The following PIK3R3 variants were observed in gnomAD, a reference collection of about 807,000 sequenced individuals.
PIK3R3 encodes the protein phosphatidylinositol 3-kinase regulatory subunit gamma.
PIK3R3 carries 64 observed loss-of-function variants against 62.9 expected under a neutral mutation model. The observed-to-expected ratio is 1.02, with a 90% CI of 0.83 to 1.25. PIK3R3 has a LOEUF of 1.25. Among genes scored for constraint, PIK3R3 ranks in the 50% most tolerant of loss-of-function variants. The pLI is 0.00. For synonymous variants in PIK3R3, 165 were observed against 189.0 expected, an observed-to-expected ratio of 0.87 and a Z score of 1.04; for missense variants, 614 against 561.6, an observed-to-expected ratio of 1.09 and a Z score of -0.94.
intron 1 of PIK3R3, among the ~76,000 whole-genome samples, chr1:46,089,291 T>G (rs980213511): frequency 1.3e-5 from 2 of 152,092 alleles, no homozygotes; most frequent in Admixed American, 6.5e-5. Flanking sequence ...GAAGGGCAGT[T>G]TAGAGGGTAT....
chr1:46,140,824 TTTTGTTC>T, the PIK3R3 span, among the ~76,000 whole-genome samples: 1 of 152,148 alleles, frequency 6.6e-6, no homozygotes, highest in African/African-American at 2.4e-5. Context: ...TTGTGGTTTT[TTTTGTTC>T]TTTGTTTTTT....
At chr1:46,148,333 T>C in the PIK3R3 span, among the ~76,000 whole-genome samples, 1 of 152,186 alleles carries the variant, frequency 6.6e-6, no homozygotes, top group Non-Finnish European at 1.5e-5. Flanking sequence ...GCTCAAACAA[T>C]GTTAGCAAGA....
the PIK3R3 span, among the ~76,000 whole-genome samples, chr1:46,172,691 A>G: frequency 6.6e-6 from 1 of 152,076 alleles, no homozygotes; most frequent in Non-Finnish European, 1.5e-5. Context: ...CCCTGTCCCT[A>G]AAAACTAGGC....
At chr1:46,143,041 A>G in the PIK3R3 span, among the ~76,000 whole-genome samples, 1 of 152,256 alleles carries the variant, frequency 6.6e-6, no homozygotes, top group Non-Finnish European at 1.5e-5. Flanking sequence ...GAGGTAGACA[A>G]GGCCACACTA....
At chr1:46,110,584 T>C (rs982660654) in intron 1 of PIK3R3, among the ~76,000 whole-genome samples, 20 of 152,268 alleles carry the variant, frequency 1.3e-4, no homozygotes, top group Admixed American at 9.2e-4. Flanking sequence ...TTAGTGATTA[T>C]AGTTTAGTTG....
the PIK3R3 span, among the ~76,000 whole-genome samples, chr1:46,159,672 C>A: frequency 2.6e-5 from 4 of 151,904 alleles, no homozygotes; most frequent in Non-Finnish European, 5.9e-5. Context: ...GCTTGTAGAT[C>A]ACCACACATG....
chr1:46,133,594 A>G (rs1655807372), upstream of PIK3R3, among the ~76,000 whole-genome samples: 1 of 152,176 alleles, frequency 6.6e-6, no homozygotes, highest in Non-Finnish European at 1.5e-5. Context: ...CTTACCACTC[A>G]GGGAGAGGAT....
the PIK3R3 span, among the ~76,000 whole-genome samples, chr1:46,164,477 A>T: frequency 6.6e-6 from 1 of 151,938 alleles, no homozygotes; most frequent in South Asian, 2.1e-4. Flanking sequence ...CAGGGAGCTT[A>T]TCTCCTGCTT....
At chr1:46,157,342 A>G in the PIK3R3 span, among the ~76,000 whole-genome samples, 1 of 152,128 alleles carries the variant, frequency 6.6e-6, no homozygotes, top group Non-Finnish European at 1.5e-5. Context: ...CATGTTGCCC[A>G]GGGTGGTCTC....
the PIK3R3 span, among the ~76,000 whole-genome samples, chr1:46,140,254 A>G: frequency 2.0e-5 from 3 of 152,074 alleles, no homozygotes; most frequent in Non-Finnish European, 2.9e-5. Flanking sequence ...GCAGCCTCCC[A>G]TGTGCTAGGA....
At chr1:46,123,309 A>G (rs1011830864) in intron 1 of PIK3R3, among the ~76,000 whole-genome samples, 6 of 152,206 alleles carry the variant, frequency 3.9e-5, no homozygotes, top group African/African-American at 1.4e-4. Context: ...GATGGAGGTG[A>G]GACGGGCATA....
the PIK3R3 span, among the ~76,000 whole-genome samples, chr1:46,160,087 G>T: frequency 6.6e-6 from 1 of 152,196 alleles, no homozygotes; most frequent in Non-Finnish European, 1.5e-5. Flanking sequence ...CAAAATAGTT[G>T]GTTCATCAGA....
At chr1:46,142,839 T>C in the PIK3R3 span, among the ~76,000 whole-genome samples, 3 of 152,226 alleles carry the variant, frequency 2.0e-5, 1 homozygote, top group Admixed American at 2.0e-4. Context: ...GTGTACTTTA[T>C]GCTCAAGCAA....
chr1:46,123,394 C>T (rs1003016650), intron 1 of PIK3R3, among the ~76,000 whole-genome samples: 5 of 151,846 alleles, frequency 3.3e-5, no homozygotes, highest in Non-Finnish European at 5.9e-5. Flanking sequence ...AGAAGGAATT[C>T]GACTAGAAGT....
At chr1:46,082,462 C>T (rs911229756) in intron 1 of PIK3R3, among the ~76,000 whole-genome samples, 10 of 152,062 alleles carry the variant, frequency 6.6e-5, no homozygotes, top group Admixed American at 4.6e-4. Flanking sequence ...GACAACACTG[C>T]GACAATGGGC....
chr1:46,114,140 T>C (rs1653972820), intron 1 of PIK3R3, among the ~76,000 whole-genome samples: 1 of 152,178 alleles, frequency 6.6e-6, no homozygotes, highest in South Asian at 2.1e-4. Flanking sequence ...TATTCACTCC[T>C]GGGCTGATCA....
chr1:46,053,665 C>T (rs186890203), intron 7 of PIK3R3, among the ~76,000 whole-genome samples: 13 of 152,236 alleles, frequency 8.5e-5, no homozygotes, highest in East Asian at 1.9e-4. Context: ...GCCTTGAGTT[C>T]GGACTTCCTA....
At chr1:46,165,996 G>A in the PIK3R3 span, among the ~76,000 whole-genome samples, 1 of 149,664 alleles carries the variant, frequency 6.7e-6, no homozygotes, top group Non-Finnish European at 1.5e-5. Context: ...GGATGGTCTC[G>A]ATCTCCTGAC....
intron 9 of PIK3R3, 97 bp downstream of exon 9, chr1:46,045,821 G>A: frequency 9.0e-7 from 1 of 1,108,518 alleles, no homozygotes; most frequent in East Asian, 2.4e-5. Context: ...CCTCGTTACT[G>A]TACATTAACT....
Sources: allele counts gnomAD v4.1 joint callset (sites outside exome capture counted in the v4.1 genomes callset), GRCh38; gene constraint gnomAD v4.1.1; transcripts MANE v1.5; gene names NCBI Gene and HGNC (gene_info 2026-07-23, HGNC 2026-07-21).